The following PDIA5 variants were observed in gnomAD, a reference collection of about 807,000 sequenced individuals.
PDIA5 encodes protein disulfide-isomerase A5.
PDIA5 carries 58 observed loss-of-function variants against 77.6 expected under a neutral mutation model. That is an observed-to-expected ratio of 0.75 (90% CI 0.61 to 0.93). The LOEUF is 0.93. Among genes scored for constraint, PDIA5 ranks in the 40% least tolerant of loss-of-function variants. The pLI is 0.00. For synonymous variants in PDIA5, 250 were observed against 252.1 expected (o/e 0.99, Z 0.08); for missense variants, 630 against 647.7 (o/e 0.97, Z 0.30).
intron 15 of PDIA5, among the ~76,000 whole-genome samples, chr3:123,156,922 G>A (rs969076768): frequency 2.0e-5 from 3 of 152,212 alleles, no homozygotes; most frequent in Non-Finnish European, 4.4e-5. Context: ...AGACTTGCCA[G>A]GCCTCCAGCG....
At chr3:123,150,086 C>T (rs577264099) in intron 13 of PDIA5, 148 bp from the exon 14 acceptor site, 4 of 665,942 alleles carry the variant, frequency 6.0e-6, no homozygotes, top group Non-Finnish European at 1.1e-5. Context: ...TGTGTTTAAA[C>T]TGTGGTTTTA....
intron 3 of PDIA5, 71 bp downstream of exon 3, chr3:123,092,513 C>T: frequency 9.5e-7 from 1 of 1,052,542 alleles, no homozygotes; most frequent in Non-Finnish European, 1.5e-6. Flanking sequence ...TTGGTGGGGA[C>T]AGGAACTGTC....
chr3:123,148,231 G>C (rs1174551313), intron 13 of PDIA5, among the ~76,000 whole-genome samples: 3 of 152,130 alleles, frequency 2.0e-5, no homozygotes, highest in Admixed American at 2.0e-4. Context: ...TGAGACTCCT[G>C]TGAAAAGTGC....
chr3:123,153,806 C>T (rs895539702), intron 14 of PDIA5, among the ~76,000 whole-genome samples: 2 of 152,152 alleles, frequency 1.3e-5, no homozygotes, highest in African/African-American at 4.8e-5. Flanking sequence ...TTCACAAAAC[C>T]CTTTGAAATG....
Position 123,140,350 on chromosome 3 carries a change from G to A in PDIA5, c.911-5172G>A, listed in dbSNP as rs1485973661. Among the ~76,000 whole-genome samples, 3 of 151,894 alleles carry A rather than the reference G, an allele frequency of 2.0e-5. No homozygotes were observed. The East Asian group carries it at 5.8e-4, about 29-fold the overall frequency. ...ATAGGAAGCCACTGTAAAGTTTTAA[G>A]CAAAGGGATCTGATCTGATTGATGT... On this transcript the variant is annotated intron_variant, in intron 11 of 16. Transcript: ENST00000316218.
chr3:123,139,280 G>A (rs1444659348), intron 11 of PDIA5, among the ~76,000 whole-genome samples: 1 of 152,180 alleles, frequency 6.6e-6, no homozygotes. Context: ...ATGAAGGCCA[G>A]GCCCAGGAGG....
At chr3:123,089,322 C>G in intron 2 of PDIA5, 28 bp downstream of exon 2, 1 of 1,610,302 alleles carries the variant, frequency 6.2e-7, no homozygotes, top group Non-Finnish European at 8.5e-7. Context: ...GCCTTGAGGT[C>G]AACCATCGGG....
intron 1 of PDIA5, among the ~76,000 whole-genome samples, chr3:123,074,845 GA>G (rs1336199492): frequency 2.6e-5 from 4 of 152,206 alleles, no homozygotes; most frequent in South Asian, 2.1e-4. Context: ...GACTACAGTG[GA>G]AAAAAATTAT....
At chr3:123,067,549 G>A in intron 1 of PDIA5, 1 of 310,516 alleles carries the variant, frequency 3.2e-6, no homozygotes, top group Non-Finnish European at 5.9e-6. Context: ...GGTGAGCTCC[G>A]CTCCAGACTC....
intron 11 of PDIA5, among the ~76,000 whole-genome samples, chr3:123,143,057 A>G (rs1329296427): frequency 6.6e-6 from 1 of 151,944 alleles, no homozygotes; most frequent in Non-Finnish European, 1.5e-5. Flanking sequence ...GGGGAGGTAC[A>G]AGGTAAAAAA....
intron 11 of PDIA5, among the ~76,000 whole-genome samples, chr3:123,135,957 GT>G (rs765619247): frequency 6.9e-6 from 1 of 144,960 alleles, no homozygotes; most frequent in Non-Finnish European, 1.5e-5. Context: ...ATTTATTTCT[GT>G]TTTTTTTCTT....
chr3:123,127,653 G>A (rs1357431579), intron 10 of PDIA5, among the ~76,000 whole-genome samples: 1 of 152,172 alleles, frequency 6.6e-6, no homozygotes, highest in African/African-American at 2.4e-5. Flanking sequence ...ACACCGAACT[G>A]GAGTTTCTCT....
At chr3:123,161,178 T>G in intron 15 of PDIA5, 143 bp from the exon 16 acceptor site, 1 of 782,980 alleles carries the variant, frequency 1.3e-6, no homozygotes, top group Non-Finnish European at 2.1e-6. Context: ...GAGCTGGGGG[T>G]GCTTTGGTTC....
In PDIA5 at chr3:123,067,535, G is replaced by T. The variant is rs909137582; in HGVS notation, c.42+329G>T. The T allele has an allele frequency of 6.4e-5, 21 of 328,916 alleles. No homozygotes were observed. The Admixed American group carries it at 7.9e-4, about 12-fold the overall frequency. 20.4% of individuals were successfully genotyped at this position (328,916 alleles called of 1,614,324 possible). On this transcript the variant is annotated intron_variant, in intron 1 of 16. Transcript: ENST00000316218. ...CGGTCGGGCAGGACGCCGGCGGGCTGCGGGGTGAGCTCCGCTCCAGACTCC... is the reference window on the plus strand; with the variant it reads ...CGGTCGGGCAGGACGCCGGCGGGCTTCGGGGTGAGCTCCGCTCCAGACTCC...
chr3:123,112,812 G>A (rs1256454198), intron 7 of PDIA5, among the ~76,000 whole-genome samples: 1 of 151,878 alleles, frequency 6.6e-6, no homozygotes, highest in African/African-American at 2.4e-5. Context: ...CACCCACCTC[G>A]GCCTCCCAAA....
At chr3:123,160,790 T>A (rs1936141331) in intron 15 of PDIA5, among the ~76,000 whole-genome samples, 1 of 152,186 alleles carries the variant, frequency 6.6e-6, no homozygotes, top group South Asian at 2.1e-4. Flanking sequence ...CTAGATACTA[T>A]TATTATCCCC....
chr3:123,092,525 C>G, intron 3 of PDIA5, 83 bp downstream of exon 3: 2 of 980,412 alleles, frequency 2.0e-6, no homozygotes, highest in Non-Finnish European at 1.6e-6. Context: ...GGAACTGTCT[C>G]TTGATTAATA....
chr3:123,113,864 A>G (rs916901960), intron 7 of PDIA5, among the ~76,000 whole-genome samples: 15 of 152,202 alleles, frequency 9.9e-5, no homozygotes, highest in Non-Finnish European at 1.5e-4. Flanking sequence ...TAATAAGAAA[A>G]TAAAAAGGCT....
At chr3:123,161,185 G>A in intron 15 of PDIA5, 136 bp from the exon 16 acceptor site, 2 of 880,476 alleles carry the variant, frequency 2.3e-6, no homozygotes, top group East Asian at 2.5e-5. Context: ...GGGTGCTTTG[G>A]TTCAGTTCCT....
Sources: gnomAD v4.1 joint callset for allele counts (sites outside exome capture counted in the v4.1 genomes callset) on GRCh38, gnomAD v4.1.1 for gene constraint, MANE v1.5 for transcripts, NCBI Gene and HGNC (gene_info 2026-07-23, HGNC 2026-07-21) for gene names.